SCEL: variants seen among roughly 807,000 people sequenced by gnomAD.
SCEL encodes sciellin.
SCEL carries 113 observed loss-of-function variants against 117.6 expected under a neutral mutation model. The observed-to-expected ratio is 0.96, with a 90% CI of 0.83 to 1.12. SCEL has a LOEUF of 1.12. Among genes scored for constraint, SCEL ranks in the 50% most tolerant of loss-of-function variants. The pLI is 0.00. For missense variants in SCEL, 785 were observed against 810.8 expected (o/e 0.97, Z 0.39); for synonymous variants, 270 against 256.2 (o/e 1.05, Z -0.51).
chr13:77,619,132 A>G (rs2089264486), intron 27 of SCEL, among the ~76,000 whole-genome samples: 1 of 152,224 alleles, frequency 6.6e-6, no homozygotes, highest in African/African-American at 2.4e-5. Context: ...AAGGACAAAA[A>G]GAAATTAACA....
Position 77,610,262 on chromosome 13 carries a change from C to G in SCEL, c.1337+156C>G, listed in dbSNP as rs181312753. 4.4e-3 allele frequency among the ~76,000 whole-genome samples: 665 copies of G among 152,078 alleles called. 16 individuals are homozygous for G. Among genetic ancestry groups the G allele is most frequent in the Admixed American group, 0.038 (573 of 15,270 alleles). ...GGTCAGGAGATGGAGACCATCCTGG[C>G]TAACATGGTGAAACCCTGTCTCTAC... On this transcript the variant is annotated intron_variant, in intron 22 of 32. Transcript: ENST00000349847.
chr13:77,631,750 T>TA (rs1567442201), intron 28 of SCEL, among the ~76,000 whole-genome samples: 1 of 152,366 alleles, frequency 6.6e-6, no homozygotes, highest in South Asian at 2.1e-4. Context: ...TTCACAGTTA[T>TA]AAAAATTAAA....
At position 77,609,093 on chromosome 13, in the gene SCEL, C is replaced by T; in HGVS notation, c.1253C>T (p.Pro418Leu). 6.3e-7 allele frequency: 1 copy of T among 1,594,060 alleles called. No individual in the cohort carries two copies. The highest frequency in any genetic ancestry group is 1.8e-5 in the Admixed American group (1 of 54,182). ...KDLNNFIKVY[P>L]GTEKSTEGGQ... ...CTTAATAACTTCATCAAAGTGTATC[C>T]AGGAACAGAAAAAAGTACTGAAGGG... The change falls in exon 21 of 33, where the codon CCA becomes CTA. Residue 418 changes from proline to leucine, a missense_variant. Physicochemically the swap from Pro to Leu is moderately conservative, Grantham distance 98. Transcript: ENST00000349847.
At chr13:77,547,154 TTATTG>T (rs1384994069) in intron 1 of SCEL, among the ~76,000 whole-genome samples, 1 of 152,164 alleles carries the variant, frequency 6.6e-6, no homozygotes, top group Non-Finnish European at 1.5e-5. Flanking sequence ...GGACCTTTCC[TTATTG>T]TCCTCTCCCA....
chr13:77,593,258 G>T (rs1305772604), intron 11 of SCEL, among the ~76,000 whole-genome samples: 2 of 94,944 alleles, frequency 2.1e-5, no homozygotes, highest in East Asian at 6.6e-4. Flanking sequence ...TAACAGAGGG[G>T]AGTGTGTGTG....
chr13:77,564,689 G>A (rs1462872141), intron 5 of SCEL, among the ~76,000 whole-genome samples: 1 of 152,178 alleles, frequency 6.6e-6, no homozygotes, highest in Admixed American at 6.5e-5. Flanking sequence ...AGCTAAAGAT[G>A]TGCTGCAATT....
chr13:77,589,756 T>G (rs1193389894), intron 10 of SCEL, among the ~76,000 whole-genome samples: 1 of 152,162 alleles, frequency 6.6e-6, no homozygotes, highest in Admixed American at 6.6e-5. Context: ...TGTAATTTAT[T>G]TCAAAACTAT....
chr13:77,536,911 G>A (rs1313966988), intron 1 of SCEL, among the ~76,000 whole-genome samples: 1 of 152,216 alleles, frequency 6.6e-6, no homozygotes. Context: ...TGGCTTTCAA[G>A]TGTTTATAGT....
rs537425904 is a variant in SCEL, at chr13:77,585,513, G to A, written c.546-3631G>A. ...AAAAGACACTATTTCCTGTGTGGAAGCCAAGCATGTGCGCGCTCTTCTGGC... is the reference window on the plus strand; with the variant it reads ...AAAAGACACTATTTCCTGTGTGGAAACCAAGCATGTGCGCGCTCTTCTGGC... On this transcript the variant is annotated intron_variant, in intron 9 of 32. Coordinates refer to ENST00000349847, the MANE Select transcript of SCEL (RefSeq NM_144777.3). Among the ~76,000 whole-genome samples, 8 of 152,172 alleles carry A rather than the reference G, an allele frequency of 5.3e-5. No individual in the cohort carries two copies. In the South Asian group the frequency reaches 1.7e-3, roughly 32 times the overall value.
chr13:77,580,196 A>T (rs946818711), intron 9 of SCEL, among the ~76,000 whole-genome samples: 1 of 152,214 alleles, frequency 6.6e-6, no homozygotes, highest in Non-Finnish European at 1.5e-5. Flanking sequence ...AATATGTACA[A>T]AAGAAAGTGC....
chr13:77,633,534 CA>C (rs1298150698), intron 28 of SCEL, among the ~76,000 whole-genome samples: 17 of 141,736 alleles, frequency 1.2e-4, no homozygotes, highest in Non-Finnish European at 3.1e-5. Flanking sequence ...TTTAATAACA[CA>C]AAAAACTTCT....
rs183449606 is a variant in SCEL, at chr13:77,618,470, C to T, written c.1628+410C>T. Among the ~76,000 whole-genome samples the T allele has an allele frequency of 3.3e-5, 5 of 152,286 alleles. No individual in the cohort carries two copies. The East Asian group carries it at 9.7e-4, about 29-fold the overall frequency. On this transcript the variant is annotated intron_variant, in intron 27 of 32. Transcript: ENST00000349847. The stretch of plus-strand genomic sequence containing the variant: ...TTGCTGGGATTACAGGCATGAACCA[C>T]TCCTTCCTATCCTTTTTTTCTTTTC...
At chr13:77,625,983 C>T (rs1340340326) in intron 27 of SCEL, among the ~76,000 whole-genome samples, 2 of 152,108 alleles carry the variant, frequency 1.3e-5, no homozygotes, top group African/African-American at 2.4e-5. Context: ...TTTTTTTATG[C>T]TTATTCAATT....
At chr13:77,602,753 C>G (rs966072427) in intron 17 of SCEL, 40 bp downstream of exon 17, 29 of 1,553,390 alleles carry the variant, frequency 1.9e-5, no homozygotes, top group African/African-American at 2.7e-5. Flanking sequence ...TGGTTATTTT[C>G]TCTCATATTA....
chr13:77,599,855 A>C, intron 15 of SCEL, 107 bp downstream of exon 15: 1 of 788,666 alleles, frequency 1.3e-6, no homozygotes, highest in Non-Finnish European at 2.2e-6. Context: ...TGGTGGAATA[A>C]GCCTTAGACT....
intron 12 of SCEL, among the ~76,000 whole-genome samples, chr13:77,596,711 G>GTA (rs2087258679): frequency 6.6e-6 from 1 of 151,886 alleles, no homozygotes; most frequent in Non-Finnish European, 1.5e-5. Context: ...GTGTGTGTGT[G>GTA]TGTGTGTGTG....
At chr13:77,598,373 C>T (rs918751707) in intron 13 of SCEL, among the ~76,000 whole-genome samples, 2 of 152,092 alleles carry the variant, frequency 1.3e-5, no homozygotes, top group African/African-American at 4.8e-5. Flanking sequence ...ATCAGAGGAT[C>T]CCGAGATGTG....
chr13:77,624,464 A>C (rs941277904), intron 27 of SCEL, among the ~76,000 whole-genome samples: 24 of 152,174 alleles, frequency 1.6e-4, no homozygotes, highest in African/African-American at 5.5e-4. Flanking sequence ...TCTGAGTCCA[A>C]ATTTCCTCCT....
At chr13:77,606,832 G>A (rs372876768) in intron 19 of SCEL, among the ~76,000 whole-genome samples, 6 of 152,050 alleles carry the variant, frequency 3.9e-5, no homozygotes, top group East Asian at 1.9e-4. Context: ...GTATGGAGAC[G>A]CAGTGCAAAA....
Sources: allele counts gnomAD v4.1 joint callset (sites outside exome capture counted in the v4.1 genomes callset), GRCh38; gene constraint gnomAD v4.1.1; transcripts MANE v1.5; gene names NCBI Gene and HGNC (gene_info 2026-07-23, HGNC 2026-07-21).